Variants in ARHGEF6 observed in about 807,000 individuals in gnomAD.
The protein encoded by ARHGEF6 is Rac/Cdc42 guanine nucleotide exchange factor 6.
A neutral mutation model predicts 70.3 loss-of-function variants in ARHGEF6; 9 were observed. That is an observed-to-expected ratio of 0.13 (90% CI 0.08 to 0.22). The LOEUF (loss-of-function observed/expected upper bound fraction) is 0.22, where lower values mean the gene tolerates loss of function less well. Ranked by LOEUF, ARHGEF6 falls within the 10% of genes least tolerant of loss-of-function variation. The pLI is 1.00. For synonymous variants in ARHGEF6, 201 were observed against 207.8 expected (o/e 0.97, Z 0.28); for missense variants, 470 against 563.0 (o/e 0.83, Z 1.67).
Position 136,743,798 on chromosome X carries a change from A to G in ARHGEF6, c.460-12T>C, listed in dbSNP as rs1180205474. 7.5e-6 allele frequency: 9 copies of G among 1,200,500 alleles called. No individual in the cohort carries two copies. Among genetic ancestry groups the G allele is most frequent in the Non-Finnish European group, 1.0e-5 (9 of 885,209 alleles). On this transcript the variant is annotated splice_polypyrimidine_tract_variant and intron_variant, in intron 4 of 21. Transcript: ENST00000250617. ...TTTTCCGTCATCTCCTAGAGAAACA[A>G]AAGCCACACCAGATTAAGCACTCAT...
intron 2 of ARHGEF6, among the ~76,000 whole-genome samples, chrX:136,773,487 C>T (rs772376039): frequency 1.2e-4 from 13 of 112,145 alleles, no homozygotes; most frequent in Non-Finnish European, 2.1e-4. Context: ...GGTCTCATTC[C>T]TTATGTATTG....
intron 2 of ARHGEF6, among the ~76,000 whole-genome samples, chrX:136,770,462 C>G (rs1413075719): frequency 8.9e-6 from 1 of 112,186 alleles, no homozygotes; most frequent in East Asian, 2.8e-4. Flanking sequence ...TAACATCGTA[C>G]TCAATGGTGA....
At chrX:136,780,007 G>A (rs902489803) in intron 1 of ARHGEF6, among the ~76,000 whole-genome samples, 2 of 112,035 alleles carry the variant, frequency 1.8e-5, no homozygotes, top group African/African-American at 6.5e-5. Context: ...AGGCAAAAGT[G>A]CTATGCTCAC....
chrX:136,732,146 T>C lies in ARHGEF6; in HGVS notation c.688A>G (p.Lys230Glu). ...SERPLSPKAV[K>E]GFETAPLTKN... ...GTAAGTGGAGCAGTTTCAAATCCTT[T>C]GACGGCTTTTGGGGAGAGAGGTCTC... is the stretch of plus-strand genomic sequence containing the variant. Residue 230 changes from lysine to glutamate, a missense_variant, in exon 6 of 22, where the codon AAA becomes GAA. Around this residue, in one of 3 missense-constraint regions of ARHGEF6, gnomAD observed 379 missense variants for 449.3 expected, o/e 0.84. Transcript: ENST00000250617. 8.3e-7 allele frequency: 1 copy of C among 1,206,089 alleles called. No homozygotes were observed. Among genetic ancestry groups the C allele is most frequent in the East Asian group, 3.0e-5 (1 of 33,759 alleles).
chrX:136,707,987 T>C (rs1382184687), intron 8 of ARHGEF6, among the ~76,000 whole-genome samples: 2 of 112,283 alleles, frequency 1.8e-5, no homozygotes, highest in African/African-American at 3.2e-5. Context: ...ATACTTTTCC[T>C]TCCCCCACTT....
chrX:136,729,000 T>TTCTC (rs746818580), intron 6 of ARHGEF6, among the ~76,000 whole-genome samples: 164 of 16,062 alleles, frequency 0.01, 2 homozygotes, highest in Non-Finnish European at 0.012. Context: ...TCCTTATTCA[T>TTCTC]TCTCTCTCTC....
intron 7 of ARHGEF6, among the ~76,000 whole-genome samples, chrX:136,709,254 A>G (rs2076659342): frequency 1.1e-5 from 1 of 94,180 alleles, no homozygotes; most frequent in Non-Finnish European, 2.0e-5. Context: ...AAGTAGGAGG[A>G]AAAAAATAGT....
chrX:136,770,722 A>C (rs2077357481), intron 2 of ARHGEF6, among the ~76,000 whole-genome samples: 2 of 112,988 alleles, frequency 1.8e-5, no homozygotes, highest in African/African-American at 6.4e-5. Flanking sequence ...TAGGGCAGGC[A>C]CCGTGGCTCA....
intron 7 of ARHGEF6, among the ~76,000 whole-genome samples, chrX:136,709,697 G>C (rs1330572120): frequency 8.8e-6 from 1 of 113,003 alleles, no homozygotes; most frequent in Non-Finnish European, 1.9e-5. Flanking sequence ...GGGCGTGGTG[G>C]TTCATGCCTG....
intron 8 of ARHGEF6, among the ~76,000 whole-genome samples, chrX:136,707,459 T>C (rs2076637980): frequency 8.9e-6 from 1 of 112,358 alleles, no homozygotes; most frequent in Non-Finnish European, 1.9e-5. Context: ...TCAAAAGTTT[T>C]TAAATTAATG....
chrX:136,741,209 A>T (rs1186394194), intron 5 of ARHGEF6, among the ~76,000 whole-genome samples: 3 of 111,843 alleles, frequency 2.7e-5, no homozygotes, highest in Non-Finnish European at 5.6e-5. Flanking sequence ...CAAAGAGAAG[A>T]GGAACTTTCA....
chrX:136,711,207 G>T (rs1788100176), intron 7 of ARHGEF6, among the ~76,000 whole-genome samples: 1 of 111,977 alleles, frequency 8.9e-6, no homozygotes, highest in African/African-American at 3.3e-5. Context: ...TCCTCTTATT[G>T]TTTCTTGATC....
intron 2 of ARHGEF6, among the ~76,000 whole-genome samples, chrX:136,753,285 A>G (rs1330524124): frequency 2.7e-5 from 3 of 112,166 alleles, no homozygotes; most frequent in African/African-American, 9.7e-5. Flanking sequence ...AGCTGAAACA[A>G]CATACAGTGT....
chrX:136,697,631 A>G (rs1417949356), intron 9 of ARHGEF6, among the ~76,000 whole-genome samples: 1 of 112,492 alleles, frequency 8.9e-6, no homozygotes, highest in Non-Finnish European at 1.9e-5. Context: ...GAGTGACTGC[A>G]TGCCTGACCA....
intron 6 of ARHGEF6, among the ~76,000 whole-genome samples, chrX:136,720,825 C>T (rs2076788909): frequency 8.9e-6 from 1 of 112,104 alleles, no homozygotes; most frequent in South Asian, 3.7e-4. Context: ...AAAGTCAATA[C>T]ACAAATGTCA....
intron 2 of ARHGEF6, among the ~76,000 whole-genome samples, chrX:136,772,234 G>C (rs767410267): frequency 8.9e-6 from 1 of 112,105 alleles, no homozygotes; most frequent in East Asian, 2.8e-4. Context: ...TGGGCATAGA[G>C]AGTAGAAGAC....
chrX:136,669,731 C>T (rs190413014), intron 20 of ARHGEF6, among the ~76,000 whole-genome samples, 195 bp from the exon 21 acceptor site: 469 of 112,223 alleles, frequency 4.2e-3, no homozygotes, highest in Non-Finnish European at 5.4e-3. Context: ...ACCACACATG[C>T]TTAGCTAAAT....
chrX:136,729,002 C>CA (rs2076900249), intron 6 of ARHGEF6, among the ~76,000 whole-genome samples: 1 of 11,858 alleles, frequency 8.4e-5, no homozygotes, highest in African/African-American at 9.8e-4. Context: ...CTTATTCATT[C>CA]TCTCTCTCTC....
intron 6 of ARHGEF6, among the ~76,000 whole-genome samples, chrX:136,722,646 A>G (rs1410663767): frequency 8.9e-6 from 1 of 112,290 alleles, no homozygotes; most frequent in African/African-American, 3.2e-5. Flanking sequence ...CAAAGAAAAA[A>G]AAGCAGACAA....
Sources: gnomAD v4.1 joint callset for allele counts (sites outside exome capture counted in the v4.1 genomes callset) on GRCh38, gnomAD v4.1.1 for gene constraint, gnomAD v4.1.1 regional missense constraint, MANE v1.5 for transcripts, NCBI Gene and HGNC (gene_info 2026-07-23, HGNC 2026-07-21) for gene names.